The following NYAP2 variants were observed in gnomAD, a reference collection of about 807,000 sequenced individuals.
NYAP2 encodes neuronal tyrosine-phosphorylated phosphoinositide-3-kinase adapter 2.
In NYAP2, 23 loss-of-function variants were observed where a neutral mutation model predicts 50.4. The ratio of observed to expected loss-of-function variants is 0.46; its 90% CI spans 0.33 to 0.65. The LOEUF is 0.65. Among genes scored for constraint, NYAP2 ranks in the 30% least tolerant of loss-of-function variants. NYAP2 has a pLI of 0.02. For missense variants in NYAP2, 885 were observed against 861.0 expected (o/e 1.03, Z -0.35); for synonymous variants, 394 against 365.2 (o/e 1.08, Z -0.90).
At chr2:225,535,114 GC>G (rs1691325184) in intron 4 of NYAP2, among the ~76,000 whole-genome samples, 1 of 152,216 alleles carries the variant, frequency 6.6e-6, no homozygotes, top group Non-Finnish European at 1.5e-5. Flanking sequence ...GAAGTTAAAT[GC>G]CAAAGAAGCT....
intron 4 of NYAP2, among the ~76,000 whole-genome samples, chr2:225,573,072 C>T (rs748225087): frequency 6.6e-6 from 1 of 151,962 alleles, no homozygotes; most frequent in Non-Finnish European, 1.5e-5. Flanking sequence ...TAAAAGGATG[C>T]TTTCTGTATC....
chr2:225,659,424 C>T, the NYAP2 span, among the ~76,000 whole-genome samples: 2 of 152,160 alleles, frequency 1.3e-5, no homozygotes, highest in Admixed American at 1.3e-4. Context: ...ATGCCTGCAT[C>T]ATTGTAGGTG....
At chr2:225,445,703 C>G (rs554641146) in intron 3 of NYAP2, among the ~76,000 whole-genome samples, 1 of 152,076 alleles carries the variant, frequency 6.6e-6, no homozygotes, top group Non-Finnish European at 1.5e-5. Context: ...GGCTTACTAT[C>G]AAATCTGAGC....
rs1415385495 is a variant in NYAP2 at position 225,582,794 on chromosome 2, T to G, written c.1377T>G (p.Ala459=). Residue 459 remains alanine, a synonymous_variant, in exon 5 of 7, where the codon GCT becomes GCG. Transcript: ENST00000636099. The surrounding 1 kb of genome is among the most constrained non-coding windows in gnomAD (Gnocchi z 7.0). ...TCAAAAGGCCTCCCCCTTACGACGC[T>G]GTGCATTCGGGCAGCCTCTCAAGGA... is the stretch of plus-strand genomic sequence containing the variant. 1.9e-6 allele frequency: 3 copies of G among 1,613,750 alleles called. No individual in the cohort carries two copies. Among genetic ancestry groups the G allele is most frequent in the Non-Finnish European group, 1.7e-6 (2 of 1,179,882 alleles).
intron 3 of NYAP2, among the ~76,000 whole-genome samples, chr2:225,492,097 C>T (rs1380057627): frequency 6.6e-6 from 1 of 152,094 alleles, no homozygotes; most frequent in Non-Finnish European, 1.5e-5. Flanking sequence ...TCCATGTGCC[C>T]TTTCACATGT....
At chr2:225,656,288 G>A (rs190981216), downstream of NYAP2, among the ~76,000 whole-genome samples, 2 of 151,996 alleles carry the variant, frequency 1.3e-5, no homozygotes, top group Non-Finnish European at 2.9e-5. Context: ...TGATACCTGC[G>A]TCCTCACCAC....
chr2:225,472,678 A>G (rs999552997), intron 3 of NYAP2, among the ~76,000 whole-genome samples: 2 of 152,186 alleles, frequency 1.3e-5, no homozygotes, highest in African/African-American at 4.8e-5. Context: ...TCCAAAGAGT[A>G]ATTTTTTTAA....
At chr2:225,484,999 C>T (rs1442848312) in intron 3 of NYAP2, among the ~76,000 whole-genome samples, 2 of 152,206 alleles carry the variant, frequency 1.3e-5, no homozygotes, top group African/African-American at 4.8e-5. Flanking sequence ...TGAGCCTGGC[C>T]TATTCAGAGT....
At chr2:225,573,340 C>T (rs1183715934) in intron 4 of NYAP2, among the ~76,000 whole-genome samples, 1 of 151,314 alleles carries the variant, frequency 6.6e-6, no homozygotes, top group Non-Finnish European at 1.5e-5. Flanking sequence ...TAACTTCTGC[C>T]TCCATGGTTC....
At chr2:225,553,260 T>TA (rs1691712609) in intron 4 of NYAP2, among the ~76,000 whole-genome samples, 1 of 152,218 alleles carries the variant, frequency 6.6e-6, no homozygotes, top group African/African-American at 2.4e-5. Context: ...AAACAAGTAG[T>TA]AAACCAGGAA....
chr2:225,668,956 C>CTT, the NYAP2 span, among the ~76,000 whole-genome samples: 16 of 69,566 alleles, frequency 2.3e-4, no homozygotes, highest in East Asian at 1.1e-3. Context: ...GTGTCCCCTG[C>CTT]TTTTTTTTTT....
chr2:225,538,590 G>T (rs943812655), intron 4 of NYAP2, among the ~76,000 whole-genome samples: 1 of 152,108 alleles, frequency 6.6e-6, no homozygotes, highest in Non-Finnish European at 1.5e-5. Flanking sequence ...ACAAAACCAC[G>T]TTTTCCTCCT....
chr2:225,508,020 C>A (rs187957216), intron 3 of NYAP2, among the ~76,000 whole-genome samples: 1 of 152,170 alleles, frequency 6.6e-6, no homozygotes. Context: ...GCATCAATTA[C>A]TTCTGGAAAA....
At chr2:225,573,347 G>A (rs1201929633) in intron 4 of NYAP2, among the ~76,000 whole-genome samples, 1 of 150,776 alleles carries the variant, frequency 6.6e-6, no homozygotes, top group East Asian at 2.0e-4. Context: ...TGCCTCCATG[G>A]TTCAAACAAT....
chr2:225,441,021 A>G (rs1375870448), intron 3 of NYAP2, among the ~76,000 whole-genome samples: 1 of 152,148 alleles, frequency 6.6e-6, no homozygotes, highest in Non-Finnish European at 1.5e-5. Context: ...ACTGATCTAC[A>G]TTACCATCTA....
upstream of NYAP2, among the ~76,000 whole-genome samples, chr2:225,397,983 A>G (rs1694800436): frequency 6.6e-6 from 1 of 152,072 alleles, no homozygotes; most frequent in Non-Finnish European, 1.5e-5. Flanking sequence ...AGTTGAATAT[A>G]TGAAACTTAA....
In NYAP2 at chr2:225,642,975, T is replaced by C. The variant is rs576563846; in HGVS notation, c.1829-8457T>C. 2.0e-5 allele frequency among the ~76,000 whole-genome samples: 3 copies of C among 152,296 alleles called. No individual in the cohort carries two copies. In the South Asian group the frequency reaches 6.2e-4, roughly 32 times the overall value. ...GAGTTATGCATAATTCTATCAACAT[T>C]GTTACTAAAAAACAAATACACAGAC... On this transcript the variant is annotated intron_variant, in intron 6 of 6. Coordinates refer to ENST00000636099, the Ensembl canonical transcript of NYAP2.
chr2:225,463,323 C>A (rs1393699517), intron 3 of NYAP2, among the ~76,000 whole-genome samples: 1 of 152,242 alleles, frequency 6.6e-6, no homozygotes, highest in African/African-American at 2.4e-5. Context: ...TATTTAGTGG[C>A]AAACAAATTT....
intron 6 of NYAP2, among the ~76,000 whole-genome samples, chr2:225,642,674 A>G (rs1693553547): frequency 6.6e-6 from 1 of 152,194 alleles, no homozygotes; most frequent in African/African-American, 2.4e-5. Context: ...GATTGGACAG[A>G]CTTGATTCAT....
Sources: allele counts gnomAD v4.1 joint callset (sites outside exome capture counted in the v4.1 genomes callset), GRCh38; gene constraint gnomAD v4.1.1; non-coding constraint Gnocchi (gnomAD v3.1); transcripts MANE v1.5; gene names NCBI Gene and HGNC (gene_info 2026-07-23, HGNC 2026-07-21).